Variants in NFIL3 observed in about 807,000 individuals in gnomAD.
NFIL3 encodes the protein nuclear factor, interleukin 3 regulated, also known as nuclear factor interleukin-3-regulated protein.
A neutral mutation model predicts 10.0 loss-of-function variants in NFIL3; 5 were observed. That is an observed-to-expected ratio of 0.50 (90% CI 0.26 to 1.06). The LOEUF (loss-of-function observed/expected upper bound fraction) is 1.06. Among genes scored for constraint, NFIL3 ranks in the 50% least tolerant of loss-of-function variants. NFIL3 has a pLI of 0.13. For missense variants in NFIL3, 436 were observed against 547.6 expected (o/e 0.80, Z 2.03); for synonymous variants, 202 against 206.5 (o/e 0.98, Z 0.19).
At chr9:91,462,064 G>A in the NFIL3 span, among the ~76,000 whole-genome samples, 8 of 152,096 alleles carry the variant, frequency 5.3e-5, no homozygotes, top group African/African-American at 1.2e-4. Context: ...TGCTGAGAAG[G>A]ACCAGGTGTG....
the NFIL3 span, among the ~76,000 whole-genome samples, chr9:91,467,208 T>TATAATATACAA: frequency 6.6e-6 from 1 of 151,908 alleles, no homozygotes; most frequent in Non-Finnish European, 1.5e-5. Context: ...TATATACAAC[T>TATAATATACAA]TAAATGTGTG....
chr9:91,473,885 T>G, the NFIL3 span, among the ~76,000 whole-genome samples: 1 of 152,368 alleles, frequency 6.6e-6, no homozygotes, highest in East Asian at 1.9e-4. Context: ...GACAATCATG[T>G]CATCTGTGAA....
the NFIL3 span, among the ~76,000 whole-genome samples, chr9:91,459,231 C>T: frequency 6.6e-6 from 1 of 152,284 alleles, no homozygotes; most frequent in South Asian, 2.1e-4. Flanking sequence ...TTAGGCAAGA[C>T]TCCCTATGCA....
upstream of NFIL3, chr9:91,426,123 T>G (rs1396523653): frequency 2.0e-5 from 3 of 152,220 alleles, no homozygotes; most frequent in East Asian, 1.9e-4. Flanking sequence ...ACCTGGAAAC[T>G]TATTCTTTAT....
At chr9:91,450,404 G>GT in the NFIL3 span, among the ~76,000 whole-genome samples, 1 of 151,876 alleles carries the variant, frequency 6.6e-6, no homozygotes, top group African/African-American at 2.4e-5. Context: ...TACTAGTTTG[G>GT]TTTTCATTTT....
chr9:91,469,216 T>C, the NFIL3 span, among the ~76,000 whole-genome samples: 1 of 152,160 alleles, frequency 6.6e-6, no homozygotes, highest in Non-Finnish European at 1.5e-5. Flanking sequence ...TGAGCAGTGG[T>C]TCGTGGTTCT....
chr9:91,454,657 C>T, the NFIL3 span, among the ~76,000 whole-genome samples: 3 of 151,972 alleles, frequency 2.0e-5, no homozygotes, highest in Non-Finnish European at 4.4e-5. Flanking sequence ...CATGGTGAAA[C>T]CCCGTCTCCA....
intron 1 of NFIL3, among the ~76,000 whole-genome samples, chr9:91,415,290 G>A (rs1365099905): frequency 1.3e-5 from 2 of 152,150 alleles, no homozygotes; most frequent in Non-Finnish European, 2.9e-5. Flanking sequence ...ATCATAATTG[G>A]TGCCATTTAT....
At chr9:91,459,973 T>C in the NFIL3 span, among the ~76,000 whole-genome samples, 2 of 152,180 alleles carry the variant, frequency 1.3e-5, no homozygotes, top group African/African-American at 4.8e-5. Flanking sequence ...CTGGGGAAGA[T>C]ATTGATGAGG....
At chr9:91,429,453 C>T in the NFIL3 span, among the ~76,000 whole-genome samples, 2 of 152,290 alleles carry the variant, frequency 1.3e-5, no homozygotes, top group East Asian at 3.9e-4. Flanking sequence ...CAAGCACTGG[C>T]TCATTCATAA....
upstream of NFIL3, chr9:91,426,396 GGTAA>G (rs746510993): frequency 8.5e-5 from 13 of 152,272 alleles, no homozygotes; most frequent in Non-Finnish European, 1.6e-4. Context: ...TCACAGAGTA[GGTAA>G]GTATTTGCAG....
intron 1 of NFIL3, among the ~76,000 whole-genome samples, chr9:91,420,566 G>A (rs962837455): frequency 2.0e-5 from 3 of 152,230 alleles, no homozygotes; most frequent in East Asian, 1.9e-4. Flanking sequence ...CAGGGCCTGC[G>A]CTCTTAGGAT....
chr9:91,411,120 C>T (rs1833539713), intron 1 of NFIL3, among the ~76,000 whole-genome samples: 1 of 152,110 alleles, frequency 6.6e-6, no homozygotes, highest in Non-Finnish European at 1.5e-5. Flanking sequence ...CCTAATGAGG[C>T]CTATCAGTAA....
the NFIL3 span, among the ~76,000 whole-genome samples, chr9:91,448,183 C>T: frequency 6.6e-6 from 1 of 152,068 alleles, no homozygotes; most frequent in Non-Finnish European, 1.5e-5. Context: ...TAGCACCACA[C>T]TATTTTGCTT....
the NFIL3 span, among the ~76,000 whole-genome samples, chr9:91,437,657 T>C: frequency 2.0e-5 from 3 of 152,188 alleles, no homozygotes; most frequent in Non-Finnish European, 4.4e-5. Context: ...ATCTCCCCAT[T>C]TCCTTTCTAC....
chr9:91,476,530 G>T, the NFIL3 span, among the ~76,000 whole-genome samples: 1 of 151,368 alleles, frequency 6.6e-6, no homozygotes, highest in African/African-American at 2.4e-5. Context: ...CCAAGATTGC[G>T]CCACTGCACT....
At chr9:91,439,953 A>G in the NFIL3 span, among the ~76,000 whole-genome samples, 1 of 152,286 alleles carries the variant, frequency 6.6e-6, no homozygotes, top group Admixed American at 6.5e-5. Flanking sequence ...AATTCTCATC[A>G]GAGAAATTGA....
chr9:91,464,348 A>G, the NFIL3 span, among the ~76,000 whole-genome samples: 1 of 152,150 alleles, frequency 6.6e-6, no homozygotes, highest in African/African-American at 2.4e-5. Flanking sequence ...GAGTTAACAC[A>G]ATATATTTTA....
the NFIL3 span, among the ~76,000 whole-genome samples, chr9:91,450,739 C>G: frequency 6.6e-6 from 1 of 152,112 alleles, no homozygotes; most frequent in Non-Finnish European, 1.5e-5. Context: ...TAGTGTTGTT[C>G]AAGCCCTCTG....
Sources: allele counts gnomAD v4.1 joint callset (sites outside exome capture counted in the v4.1 genomes callset), GRCh38; gene constraint gnomAD v4.1.1; transcripts MANE v1.5; gene names NCBI Gene and HGNC (gene_info 2026-07-23, HGNC 2026-07-21).